TENM2: variants seen among roughly 807,000 people sequenced by gnomAD.
TENM2 encodes teneurin-2.
TENM2 carries 52 observed loss-of-function variants against 245.2 expected under a neutral mutation model. The ratio of observed to expected loss-of-function variants is 0.21; its 90% CI spans 0.17 to 0.27. The LOEUF (loss-of-function observed/expected upper bound fraction) is 0.27. Among genes scored for constraint, TENM2 ranks in the 10% least tolerant of loss-of-function variants. The probability of loss-of-function intolerance (pLI) is 1.00; values close to 1 mark genes in which losing one functional copy is unlikely to be tolerated. For missense variants in TENM2, 3,046 were observed against 3,666.8 expected (o/e 0.83, Z 4.37); for synonymous variants, 1,363 against 1,438.9 (o/e 0.95, Z 1.19).
the TENM2 span, among the ~76,000 whole-genome samples, chr5:167,191,335 G>GCA: frequency 6.6e-6 from 1 of 151,926 alleles, no homozygotes; most frequent in Admixed American, 6.6e-5. Flanking sequence ...CGGATAGATT[G>GCA]GTTGACTGCA....
At chr5:167,445,330 T>TAGGGAGAGAGAGAGAG (rs1275688569) in intron 2 of TENM2, among the ~76,000 whole-genome samples, 16 of 49,266 alleles carry the variant, frequency 3.2e-4, no homozygotes, top group Admixed American at 1.3e-3. Flanking sequence ...TATATATATA[T>TAGGGAGAGAGAGAGAG]ATATATAGAG....
chr5:167,293,510 G>A (rs542983047), intron 1 of TENM2, among the ~76,000 whole-genome samples: 5 of 151,506 alleles, frequency 3.3e-5, no homozygotes, highest in South Asian at 2.1e-4. Context: ...ATGAGCCACC[G>A]CACCTGGCCC....
the TENM2 span, among the ~76,000 whole-genome samples, chr5:167,154,431 T>C: frequency 1.3e-5 from 2 of 152,326 alleles, no homozygotes; most frequent in South Asian, 2.1e-4. Flanking sequence ...ATGTGAATGA[T>C]AGAAATAGAG....
upstream of TENM2, among the ~76,000 whole-genome samples, chr5:167,281,564 A>G (rs1771068392): frequency 6.6e-6 from 1 of 152,182 alleles, no homozygotes; most frequent in South Asian, 2.1e-4. Flanking sequence ...TCCATCATTT[A>G]TCCAGAGGTG....
the TENM2 span, among the ~76,000 whole-genome samples, chr5:167,228,766 G>A: frequency 5.3e-5 from 8 of 151,594 alleles, no homozygotes; most frequent in South Asian, 2.1e-4. Flanking sequence ...GTTCAGTGGC[G>A]CAATCTCGGC....
At chr5:168,144,523 T>C (rs900716040) in intron 12 of TENM2, among the ~76,000 whole-genome samples, 4 of 152,050 alleles carry the variant, frequency 2.6e-5, no homozygotes, top group Non-Finnish European at 4.4e-5. Context: ...TCATTTTTTA[T>C]GGCTGCATAG....
At chr5:168,068,967 A>G (rs248003) in intron 7 of TENM2, among the ~76,000 whole-genome samples, 80,032 of 151,894 alleles carry the variant, frequency 0.53, 22,166 homozygotes, top group Non-Finnish European at 0.6. Context: ...TCAAGATTCC[A>G]TTTATATACT....
intron 3 of TENM2, among the ~76,000 whole-genome samples, chr5:167,925,286 C>A (rs1777664251): frequency 6.6e-6 from 1 of 152,156 alleles, no homozygotes; most frequent in South Asian, 2.1e-4. Context: ...ATAGTACTTG[C>A]TTATCATTCC....
intron 9 of TENM2, among the ~76,000 whole-genome samples, chr5:168,117,073 G>A (rs924325194): frequency 1.3e-5 from 2 of 152,188 alleles, no homozygotes; most frequent in African/African-American, 4.8e-5. Context: ...GAAGGAGACC[G>A]ACCACTGAAA....
Position 168,247,223 on chromosome 5 carries a change from A to G in TENM2, c.6284A>G (p.Asp2095Gly), listed in dbSNP as rs1233960275. The change falls in exon 27 of 29, where the codon GAC (aspartate) becomes GGC (glycine). Residue 2095 changes from aspartate (D) to glycine (G), a missense_variant. Asp to Gly is a moderately conservative substitution (Grantham distance 94). Coordinates refer to ENST00000518659, the Ensembl canonical transcript of TENM2. This position sits in a 1 kb window ranked among gnomAD's most constrained non-coding sequence, Gnocchi z 7.8. ...GCCAGGTTTGACTACACCTATCATG[A>G]CAACAGCTTCCGCATCGCAAGCATC... 3 of 1,613,942 alleles carry G rather than the reference A, an allele frequency of 1.9e-6. No homozygotes were observed. In the East Asian group the frequency reaches 6.7e-5, roughly 36 times the overall value.
chr5:167,440,090 A>C (rs1764795858), intron 2 of TENM2, among the ~76,000 whole-genome samples: 1 of 152,138 alleles, frequency 6.6e-6, no homozygotes, highest in Admixed American at 6.6e-5. Context: ...AATAGATTTT[A>C]TTTTTAAAAT....
intron 3 of TENM2, among the ~76,000 whole-genome samples, chr5:167,914,522 G>A (rs151255689): frequency 5.9e-5 from 9 of 152,086 alleles, no homozygotes; most frequent in East Asian, 1.9e-4. Flanking sequence ...CCATCTCAAC[G>A]TCAGCTGATT....
chr5:168,139,125 T>C (rs1000362142), intron 12 of TENM2, among the ~76,000 whole-genome samples: 1 of 152,228 alleles, frequency 6.6e-6, no homozygotes, highest in African/African-American at 2.4e-5. Flanking sequence ...GTAGTTTAAA[T>C]TCATTTGCAA....
intron 3 of TENM2, among the ~76,000 whole-genome samples, chr5:167,876,753 C>T (rs1208842663): frequency 2.0e-5 from 3 of 152,104 alleles, no homozygotes; most frequent in Admixed American, 6.6e-5. Flanking sequence ...TCTCCTGTAA[C>T]CCTTTGCTTG....
At chr5:167,381,397 T>G (rs1761088262) in intron 2 of TENM2, among the ~76,000 whole-genome samples, 1 of 152,186 alleles carries the variant, frequency 6.6e-6, no homozygotes, top group African/African-American at 2.4e-5. Flanking sequence ...TTATGGGATA[T>G]TTAACAACAG....
intron 1 of TENM2, among the ~76,000 whole-genome samples, chr5:167,320,664 A>G (rs1017433023): frequency 1.3e-5 from 2 of 152,176 alleles, no homozygotes; most frequent in Admixed American, 1.3e-4. Flanking sequence ...GAGCCCTTTC[A>G]TGCTCTCTTG....
At position 168,004,078 on chromosome 5, in the gene TENM2, C is replaced by T. The variant is rs73801488; in HGVS notation, c.1186+10896C>T. 1.7e-3 allele frequency among the ~76,000 whole-genome samples: 258 copies of T among 152,266 alleles called. 1 individual carries two copies. Among genetic ancestry groups the T allele is most frequent in the African/African-American group, 5.7e-3 (235 of 41,562 alleles). ...CCATAGCAAGTTGGGGGTTCCAAAT[C>T]GCCTTTGTCTTCAAATGTATTGTCG... On this transcript the variant is annotated intron_variant, in intron 5 of 28. Coordinates refer to ENST00000518659, the Ensembl canonical transcript of TENM2.
At chr5:167,973,924 G>A (rs1242834188) in intron 4 of TENM2, among the ~76,000 whole-genome samples, 1 of 150,172 alleles carries the variant, frequency 6.7e-6, no homozygotes, top group African/African-American at 2.4e-5. Flanking sequence ...GGTGGAAAGG[G>A]AGGATACACC....
At chr5:167,404,942 C>T (rs1318622397) in intron 2 of TENM2, among the ~76,000 whole-genome samples, 1 of 152,118 alleles carries the variant, frequency 6.6e-6, no homozygotes, top group Non-Finnish European at 1.5e-5. Context: ...TCCCATTCCC[C>T]TCCACAACTG....
Sources: allele counts gnomAD v4.1 joint callset (sites outside exome capture counted in the v4.1 genomes callset), GRCh38; gene constraint gnomAD v4.1.1; non-coding constraint Gnocchi (gnomAD v3.1); transcripts MANE v1.5; gene names NCBI Gene and HGNC (gene_info 2026-07-23, HGNC 2026-07-21).